Variants in PCDH11X observed in about 807,000 individuals in gnomAD.
PCDH11X encodes protocadherin 11 X-linked.
PCDH11X carries 18 observed loss-of-function variants against 53.3 expected under a neutral mutation model. That is an observed-to-expected ratio of 0.34 (90% CI 0.23 to 0.50). The LOEUF (loss-of-function observed/expected upper bound fraction) is 0.50, where lower values mean the gene tolerates loss of function less well. Ranked by LOEUF, PCDH11X falls within the 20% of genes least tolerant of loss-of-function variation. The pLI is 0.98. For missense variants in PCDH11X, 570 were observed against 1,032.4 expected (o/e 0.55, Z 6.14); for synonymous variants, 279 against 393.3 (o/e 0.71, Z 3.44).
intron 7 of PCDH11X, among the ~76,000 whole-genome samples, chrX:92,242,732 G>A (rs2067282786): frequency 4.5e-5 from 5 of 111,107 alleles, no homozygotes; most frequent in Admixed American, 3.9e-4. Flanking sequence ...AGCAATGTAT[G>A]CTTGATTCAT....
intron 6 of PCDH11X, among the ~76,000 whole-genome samples, chrX:91,976,714 A>T (rs2062051602): frequency 9.0e-6 from 1 of 110,843 alleles, no homozygotes; most frequent in African/African-American, 3.3e-5. Flanking sequence ...TTCATTAATC[A>T]CCGATACATA....
chrX:91,937,950 C>T (rs2061464682), intron 6 of PCDH11X, among the ~76,000 whole-genome samples: 2 of 111,530 alleles, frequency 1.8e-5, no homozygotes, highest in African/African-American at 6.5e-5. Flanking sequence ...TGCAATTCTT[C>T]TCACATTGAG....
chrX:91,895,928 ATGTATATG>A lies in PCDH11X; in HGVS notation c.3033+16657_3033+16664del, dbSNP rs1940735309. ...TATTATATACATATACACGTATATT[ATGTATATG>A]TATATATGTATATTATGTACGTGTA... On this transcript the variant is annotated intron_variant, in intron 6 of 10. Coordinates refer to ENST00000682573, the MANE Select transcript of PCDH11X (RefSeq NM_032968.5). Among the ~76,000 whole-genome samples, 3 of 102,250 alleles carry A rather than the reference ATGTATATG, an allele frequency of 2.9e-5. No individual in the cohort carries two copies. The South Asian group carries it at 1.3e-3, about 45-fold the overall frequency. The allele number at this position is 102,250 out of a possible 115,157, so 88.8% of individuals were successfully genotyped here. A position where few individuals can be genotyped will look rare whatever the true frequency, so the allele number is the denominator to read the frequency against.
intron 6 of PCDH11X, among the ~76,000 whole-genome samples, chrX:91,991,861 G>A (rs1183845876): frequency 1.9e-5 from 2 of 107,319 alleles, no homozygotes; most frequent in East Asian, 5.8e-4. Context: ...TGTTTGACCT[G>A]TATCCGTTTT....
At chrX:92,132,689 A>ATATGTATATATATATGTG (rs1465452426) in intron 6 of PCDH11X, among the ~76,000 whole-genome samples, 1 of 65,335 alleles carries the variant, frequency 1.5e-5, no homozygotes. Context: ...ATATATATGT[A>ATATGTATATATATATGTG]TATATATATA....
intron 6 of PCDH11X, among the ~76,000 whole-genome samples, chrX:91,977,795 C>T (rs756373432): frequency 2.7e-5 from 3 of 111,708 alleles, no homozygotes; most frequent in African/African-American, 9.7e-5. Context: ...CTTTATTAAA[C>T]ATTTGAATGT....
chrX:92,254,200 C>T (rs957066296), intron 7 of PCDH11X, among the ~76,000 whole-genome samples: 2 of 111,828 alleles, frequency 1.8e-5, no homozygotes, highest in Non-Finnish European at 3.8e-5. Flanking sequence ...TTTTGTCTAT[C>T]GTTCTGTTGA....
chrX:91,918,777 G>A (rs892301719), intron 6 of PCDH11X, among the ~76,000 whole-genome samples: 2 of 111,225 alleles, frequency 1.8e-5, no homozygotes, highest in African/African-American at 6.5e-5. Flanking sequence ...ATTTTTATGG[G>A]TTTGTGTGTG....
At chrX:92,554,548 C>A (rs1190162812) in intron 10 of PCDH11X, among the ~76,000 whole-genome samples, 3 of 93,444 alleles carry the variant, frequency 3.2e-5, no homozygotes, top group Non-Finnish European at 4.5e-5. Flanking sequence ...TAACTATAAC[C>A]CCTTTGATAA....
chrX:92,051,012 A>G (rs1304785532), intron 6 of PCDH11X, among the ~76,000 whole-genome samples: 1 of 112,188 alleles, frequency 8.9e-6, no homozygotes, highest in East Asian at 2.8e-4. Context: ...GTTTATTCAT[A>G]TAAATTTCTA....
intron 5 of PCDH11X, among the ~76,000 whole-genome samples, chrX:91,867,307 T>C (rs966521546): frequency 1.8e-5 from 2 of 111,583 alleles, no homozygotes; most frequent in African/African-American, 6.5e-5. Flanking sequence ...TTCGTTGCTA[T>C]GGGGCATAGT....
chrX:92,093,257 G>A (rs1482699213), intron 6 of PCDH11X, among the ~76,000 whole-genome samples: 19 of 111,572 alleles, frequency 1.7e-4, no homozygotes, highest in Admixed American at 1.4e-3. Context: ...GAGAGGGTAC[G>A]TTTTCATCCT....
At chrX:91,809,776 T>C (rs1466845634) in intron 2 of PCDH11X, among the ~76,000 whole-genome samples, 142 bp downstream of exon 2, 1 of 109,693 alleles carries the variant, frequency 9.1e-6, no homozygotes, top group African/African-American at 3.3e-5. Context: ...ATTTTTATCA[T>C]TGCAGAAAGT....
intron 9 of PCDH11X, among the ~76,000 whole-genome samples, chrX:92,438,122 C>A (rs2072429912): frequency 1.8e-5 from 2 of 111,436 alleles, no homozygotes; most frequent in African/African-American, 6.5e-5. Flanking sequence ...GTCGTATATT[C>A]CATCTTCAAC....
At chrX:91,917,486 A>G (rs1262817877) in intron 6 of PCDH11X, among the ~76,000 whole-genome samples, 1 of 86,338 alleles carries the variant, frequency 1.2e-5, no homozygotes, top group Non-Finnish European at 2.3e-5. Context: ...AAATCATTGT[A>G]CACAAATCAG....
intron 8 of PCDH11X, among the ~76,000 whole-genome samples, chrX:92,338,844 C>G (rs1226569631): frequency 1.8e-5 from 2 of 111,872 alleles, no homozygotes; most frequent in Non-Finnish European, 3.8e-5. Flanking sequence ...TTTCTAACTA[C>G]TGGTGGGCTG....
intron 7 of PCDH11X, among the ~76,000 whole-genome samples, chrX:92,237,297 G>A (rs1231720728): frequency 9.0e-6 from 1 of 110,823 alleles, no homozygotes; most frequent in Non-Finnish European, 1.9e-5. Flanking sequence ...TATTTTGTCA[G>A]TATAGCAGGC....
chrX:91,917,366 C>G (rs1300267994), intron 6 of PCDH11X, among the ~76,000 whole-genome samples: 3 of 104,906 alleles, frequency 2.9e-5, no homozygotes, highest in Non-Finnish European at 5.9e-5. Flanking sequence ...AAAAGGAAAT[C>G]AAACTGTCGC....
At chrX:92,190,288 G>T (rs759886281) in intron 6 of PCDH11X, among the ~76,000 whole-genome samples, 1 of 111,077 alleles carries the variant, frequency 9.0e-6, no homozygotes, top group Non-Finnish European at 1.9e-5. Flanking sequence ...CATATGGCCA[G>T]CCAGTTCTCC....
Sources: allele counts gnomAD v4.1 joint callset (sites outside exome capture counted in the v4.1 genomes callset), GRCh38; gene constraint gnomAD v4.1.1; transcripts MANE v1.5; gene names NCBI Gene and HGNC (gene_info 2026-07-23, HGNC 2026-07-21).